Variants in HPSE observed in about 807,000 individuals in gnomAD.
HPSE encodes the protein heparanase.
Under a neutral mutation model 65.1 loss-of-function variants are expected in HPSE, and 48 were observed. That is an observed-to-expected ratio of 0.74 (90% CI 0.58 to 0.94). The LOEUF (loss-of-function observed/expected upper bound fraction) is 0.94, where lower values mean the gene tolerates loss of function less well. HPSE is among the 40% of genes least tolerant of loss of function. The pLI, the probability that HPSE is intolerant of heterozygous loss-of-function variation, is 0.00. For synonymous variants in HPSE, 243 were observed against 260.0 expected, an observed-to-expected ratio of 0.93 and a Z score of 0.63; for missense variants, 644 against 637.5, an observed-to-expected ratio of 1.01 and a Z score of -0.11.
intron 1 of HPSE, among the ~76,000 whole-genome samples, chr4:83,325,827 G>T (rs1455380057): frequency 2.0e-5 from 3 of 152,188 alleles, no homozygotes; most frequent in Non-Finnish European, 4.4e-5. Flanking sequence ...AGAGAGTGGG[G>T]TAGGATTGAA....
Position 83,326,120 on chromosome 4 carries a change from C to T in HPSE, c.228-3756G>A, listed in dbSNP as rs923814503. 1.3e-5 allele frequency among the ~76,000 whole-genome samples: 2 copies of T among 152,062 alleles called. No homozygotes were observed. The highest frequency in any genetic ancestry group is 2.4e-5 in the African/African-American group (1 of 41,390). ...AAGAACAAGACTCTGGTCATGTTAACGTAGACAAAACGTGATGGACTGAGG... is the reference window on the plus strand; with the variant it reads ...AAGAACAAGACTCTGGTCATGTTAATGTAGACAAAACGTGATGGACTGAGG... On this transcript the variant is annotated intron_variant, in intron 1 of 11. Transcript: ENST00000311412. The surrounding 1 kb of genome is among the most constrained non-coding windows in gnomAD (Gnocchi z 4.2).
At chr4:83,305,161 G>T (rs1395777844) in intron 9 of HPSE, among the ~76,000 whole-genome samples, 3 of 152,164 alleles carry the variant, frequency 2.0e-5, no homozygotes, top group Non-Finnish European at 4.4e-5. Context: ...CATATTTAGT[G>T]CATATACAAA....
At chr4:83,311,531 C>T (rs957645315) in intron 4 of HPSE, among the ~76,000 whole-genome samples, 21 of 152,070 alleles carry the variant, frequency 1.4e-4, no homozygotes, top group African/African-American at 1.9e-4. Flanking sequence ...AGACCGGGCA[C>T]AGTGGCTCAT....
chr4:83,311,167 G>C (rs1445269844), intron 4 of HPSE, among the ~76,000 whole-genome samples: 2 of 151,916 alleles, frequency 1.3e-5, no homozygotes, highest in Non-Finnish European at 2.9e-5. Context: ...AAATTAGCTA[G>C]ATGTGGTGGT....
intron 1 of HPSE, among the ~76,000 whole-genome samples, chr4:83,333,684 A>C (rs1014308748): frequency 6.6e-6 from 1 of 152,170 alleles, no homozygotes; most frequent in Non-Finnish European, 1.5e-5. Context: ...CAGGTAAGGA[A>C]AAAACTTAGA....
intron 1 of HPSE, among the ~76,000 whole-genome samples, chr4:83,324,240 C>T (rs1296275775): frequency 6.6e-6 from 1 of 150,728 alleles, no homozygotes; most frequent in Non-Finnish European, 1.5e-5. Flanking sequence ...GCCCACTTCA[C>T]CCTCCCAAAG....
chr4:83,324,572 T>A (rs1298875862), intron 1 of HPSE, among the ~76,000 whole-genome samples: 1 of 152,154 alleles, frequency 6.6e-6, no homozygotes, highest in African/African-American at 2.4e-5. Context: ...AGTGAGATTT[T>A]AAAATGTTAT....
chr4:83,309,925 T>C lies in HPSE; in HGVS notation c.890+106A>G, dbSNP rs542186906. 20 of 739,834 alleles carry C rather than the reference T, an allele frequency of 2.7e-5. No individual in the cohort carries two copies. The South Asian group carries it at 3.7e-4, about 14-fold the overall frequency. 45.8% of individuals were successfully genotyped at this position (739,834 alleles called of 1,614,324 possible). A position where few individuals can be genotyped will look rare whatever the true frequency, so the allele number is the denominator to read the frequency against. On this transcript the variant is annotated intron_variant, in intron 6 of 11. Transcript: ENST00000311412. ...ACTTGAGACACTATTTGTTTCTTAT[T>C]TGAACTGCAGTCAATTGGCAGTTAA... is the stretch of plus-strand genomic sequence containing the variant.
chr4:83,330,167 G>A (rs1417424738), intron 1 of HPSE, among the ~76,000 whole-genome samples: 2 of 152,214 alleles, frequency 1.3e-5, no homozygotes, highest in Non-Finnish European at 1.5e-5. Flanking sequence ...CTAGTGGGCT[G>A]TCATCCAGAA....
At chr4:83,320,635 C>G (rs1736854487) in intron 2 of HPSE, among the ~76,000 whole-genome samples, 1 of 152,192 alleles carries the variant, frequency 6.6e-6, no homozygotes, top group East Asian at 1.9e-4. Flanking sequence ...TATCACAAGA[C>G]AGCAGGGTTG....
chr4:83,308,770 G>T, intron 8 of HPSE, 75 bp downstream of exon 8: 1 of 1,109,394 alleles, frequency 9.0e-7, no homozygotes, highest in Non-Finnish European at 1.3e-6. Context: ...TTTTGGCTGG[G>T]GAGCTATTTC....
intron 11 of HPSE, among the ~76,000 whole-genome samples, chr4:83,297,256 ATGT>A (rs1379490773): frequency 1.3e-5 from 2 of 152,032 alleles, no homozygotes; most frequent in African/African-American, 4.8e-5. Flanking sequence ...TCACTCTATG[ATGT>A]TCACACAAGG....
chr4:83,317,272 A>G (rs954603301), intron 3 of HPSE, among the ~76,000 whole-genome samples: 3 of 152,048 alleles, frequency 2.0e-5, no homozygotes, highest in African/African-American at 7.2e-5. Flanking sequence ...GCCTTTTGCT[A>G]CCTCTTCTTT....
chr4:83,323,678 C>G (rs1013268203), intron 1 of HPSE, among the ~76,000 whole-genome samples: 2 of 152,172 alleles, frequency 1.3e-5, no homozygotes, highest in Non-Finnish European at 2.9e-5. Flanking sequence ...GTATTTAAGT[C>G]AAATGACTTA....
intron 3 of HPSE, among the ~76,000 whole-genome samples, chr4:83,316,013 T>C (rs911377451): frequency 1.3e-5 from 2 of 151,968 alleles, no homozygotes; most frequent in Non-Finnish European, 2.9e-5. Flanking sequence ...TTCAAATCCA[T>C]TCTTTTTTTC....
In HPSE at chr4:83,322,293, T is replaced by A; in HGVS notation, c.299A>T (p.Asp100Val). Reference protein sequence around the residue: ...AYLRFGGTKTDFLIFDPKKES... With the variant: ...AYLRFGGTKTVFLIFDPKKES... ...CTTCTTGGGATCGAAAATTAGGAAG[T>A]CTGTCTTGGTGCCACCAAACCTCAG... The change falls in exon 2 of 12, where the codon GAC becomes GTC. Residue 100 changes from aspartate to valine, a missense_variant. Coordinates refer to ENST00000311412, the MANE Select transcript of HPSE (RefSeq NM_001098540.3). The A allele has an allele frequency of 6.2e-7, 1 of 1,613,940 alleles. No individual in the cohort carries two copies. The highest frequency in any genetic ancestry group is 2.2e-5 in the East Asian group (1 of 44,878).
chr4:83,310,564 T>A (rs1340789553), intron 5 of HPSE, among the ~76,000 whole-genome samples, 158 bp downstream of exon 5: 1 of 152,094 alleles, frequency 6.6e-6, no homozygotes, highest in African/African-American at 2.4e-5. Flanking sequence ...CCCAGCTATT[T>A]GTGGGACTGA....
At chr4:83,310,604 C>A in intron 5 of HPSE, 118 bp downstream of exon 5, 1 of 887,626 alleles carries the variant, frequency 1.1e-6, no homozygotes, top group Non-Finnish European at 1.7e-6. Flanking sequence ...CCTGGGAGGT[C>A]GAAGTTGCAG....
intron 3 of HPSE, among the ~76,000 whole-genome samples, chr4:83,318,821 C>T (rs935232878): frequency 4.6e-5 from 7 of 151,738 alleles, no homozygotes; most frequent in African/African-American, 1.7e-4. Context: ...TGAAAACATA[C>T]TAATGGGTAG....
Sources: gnomAD v4.1 joint callset for allele counts (sites outside exome capture counted in the v4.1 genomes callset) on GRCh38, gnomAD v4.1.1 for gene constraint, Gnocchi (gnomAD v3.1) non-coding constraint, MANE v1.5 for transcripts, NCBI Gene and HGNC (gene_info 2026-07-23, HGNC 2026-07-21) for gene names.